PABIR3: variants seen among roughly 807,000 people sequenced by gnomAD.
PABIR3 encodes the protein PABIR family member 1.
Under a neutral mutation model 23.1 loss-of-function variants are expected in PABIR3, and 20 were observed. That is an observed-to-expected ratio of 0.86 (90% CI 0.61 to 1.26). PABIR3 has a LOEUF of 1.26. PABIR3 is among the 50% of genes most tolerant of loss of function. The pLI is 0.00. For missense variants in PABIR3, 189 were observed against 195.4 expected (o/e 0.97, Z 0.20); for synonymous variants, 69 against 68.5 (o/e 1.01, Z -0.04).
the PABIR3 span, among the ~76,000 whole-genome samples, chrX:134,862,142 G>GTTTTTTTTTTTT: frequency 4.2e-5 from 2 of 47,909 alleles, no homozygotes; most frequent in African/African-American, 9.4e-5. Flanking sequence ...TTTATTGGCT[G>GTTTTTTTTTTTT]TTTTTTTTTT....
At chrX:134,863,499 T>C in the PABIR3 span, among the ~76,000 whole-genome samples, 8 of 111,463 alleles carry the variant, frequency 7.2e-5, no homozygotes, top group Non-Finnish European at 1.5e-4. Context: ...ACAAGGAATT[T>C]GAAGAATCTC....
intron 4 of PABIR3, among the ~76,000 whole-genome samples, chrX:134,843,918 CTTTTTTTTT>C (rs1196514400): frequency 4.5e-5 from 3 of 66,029 alleles, no homozygotes; most frequent in East Asian, 8.8e-4. Context: ...TATGCATGTT[CTTTTTTTTT>C]TTTTTTTTTT....
At chrX:134,805,158 C>G (rs2080175450), upstream of PABIR3, among the ~76,000 whole-genome samples, 1 of 111,370 alleles carries the variant, frequency 9.0e-6, no homozygotes, top group Non-Finnish European at 1.9e-5. Flanking sequence ...AACAGAAGGG[C>G]AGAGGAATCT....
chrX:134,843,660 C>T (rs1330925138), intron 4 of PABIR3, among the ~76,000 whole-genome samples: 8 of 103,950 alleles, frequency 7.7e-5, no homozygotes, highest in Non-Finnish European at 1.4e-4. Context: ...CTCCGCCTCC[C>T]GGGTTCACGC....
chrX:134,806,198 A>G (rs1162379635), upstream of PABIR3, among the ~76,000 whole-genome samples: 1 of 112,570 alleles, frequency 8.9e-6, no homozygotes, highest in Admixed American at 9.4e-5. Flanking sequence ...TTGCATTGAT[A>G]CTAAATTCTG....
intron 3 of PABIR3, among the ~76,000 whole-genome samples, chrX:134,819,610 C>G (rs941072846): frequency 9.0e-6 from 1 of 111,427 alleles, no homozygotes; most frequent in African/African-American, 3.3e-5. Context: ...ACAGCCTGGG[C>G]GAGGTGACTC....
chrX:134,851,416 A>G (rs890399740), intron 9 of PABIR3, among the ~76,000 whole-genome samples: 8 of 109,684 alleles, frequency 7.3e-5, no homozygotes, highest in African/African-American at 1.0e-4. Flanking sequence ...TGTGCCTGTA[A>G]TCCCAGCTAC....
chrX:134,857,389 C>G (rs899603131), downstream of PABIR3, among the ~76,000 whole-genome samples: 3 of 111,036 alleles, frequency 2.7e-5, no homozygotes, highest in African/African-American at 9.8e-5. Flanking sequence ...ATAAAGATAA[C>G]CAGTCATTGG....
rs1425662203 is a variant in PABIR3, at chrX:134,814,699, G to A, written c.111-72G>A. Reference sequence around the variant, plus strand: ...GGGCAACAGAACAGAGCGAGACTCCGTCTCAAAAAAAAAAAAAAAAAGAAT... The same window carrying A: ...GGGCAACAGAACAGAGCGAGACTCCATCTCAAAAAAAAAAAAAAAAAGAAT... On this transcript the variant is annotated intron_variant, in intron 2 of 10. Coordinates refer to ENST00000645433, the MANE Select transcript of PABIR3 (RefSeq NM_001388447.1). 1.7e-3 allele frequency: 1,271 copies of A among 754,680 alleles called. 2 individuals carry two copies. Among genetic ancestry groups the A allele is most frequent in the Non-Finnish European group, 2.2e-3 (1,185 of 545,597 alleles). The allele number at this position is 754,680 out of a possible 1,213,427, so 62.2% of individuals were successfully genotyped here.
intron 3 of PABIR3, among the ~76,000 whole-genome samples, chrX:134,817,360 G>C (rs1037458150): frequency 9.2e-6 from 1 of 108,229 alleles, no homozygotes; most frequent in South Asian, 4.1e-4. Flanking sequence ...TCCATTCAAC[G>C]ATATTTGTTG....
chrX:134,852,866 A>C lies in PABIR3; in HGVS notation c.656A>C (p.Asp219Ala), dbSNP rs1311268820. 8.8e-7 allele frequency: 1 copy of C among 1,137,143 alleles called. No homozygotes were observed. The highest frequency in any genetic ancestry group is 2.1e-5 in the South Asian group (1 of 48,410). The allele number at this position is 1,137,143 out of a possible 1,213,427, so 93.7% of individuals were successfully genotyped here. A position where few individuals can be genotyped will look rare whatever the true frequency, so the allele number is the denominator to read the frequency against. ...GGCACAACCAACATGCTTTCTTCTG[A>C]TACTTCCCAACTGTCAGAAAATAAT... Reference protein sequence around the residue: ...FQGTTNMLSSDTSQLSENNVY... With the variant: ...FQGTTNMLSSATSQLSENNVY... Residue 219 changes from aspartate to alanine, a missense_variant, in exon 10 of 11, where the codon GAT (aspartate) becomes GCT (alanine). Asp to Ala is a moderately radical substitution (Grantham distance 126). Coordinates refer to ENST00000645433, the MANE Select transcript of PABIR3 (RefSeq NM_001388447.1).
intron 4 of PABIR3, 52 bp downstream of exon 4, chrX:134,829,334 T>G: frequency 9.6e-7 from 1 of 1,036,390 alleles, no homozygotes; most frequent in Non-Finnish European, 1.3e-6. Flanking sequence ...GTAAATTTTA[T>G]TTTTCTTTGT....
chrX:134,819,340 A>T (rs2081156866), intron 3 of PABIR3, among the ~76,000 whole-genome samples: 1 of 111,817 alleles, frequency 8.9e-6, no homozygotes, highest in Non-Finnish European at 1.9e-5. Flanking sequence ...ACCATCTTAT[A>T]TAACAGATTG....
chrX:134,832,541 A>G (rs749040614), intron 4 of PABIR3, among the ~76,000 whole-genome samples: 58 of 105,002 alleles, frequency 5.5e-4, no homozygotes, highest in Admixed American at 8.3e-4. Context: ...AGCTAGGTTT[A>G]TAGGCCCACG....
intron 4 of PABIR3, among the ~76,000 whole-genome samples, chrX:134,832,678 C>T (rs1397134068): frequency 3.6e-5 from 4 of 111,186 alleles, no homozygotes; most frequent in East Asian, 2.8e-4. Context: ...TCTGGGATTA[C>T]AGGCGTGAGC....
downstream of PABIR3, among the ~76,000 whole-genome samples, chrX:134,858,017 C>CT (rs1279990871): frequency 9.0e-6 from 1 of 111,217 alleles, no homozygotes; most frequent in Admixed American, 9.7e-5. Flanking sequence ...ACAAGATAGT[C>CT]TATCATAACA....
At chrX:134,842,766 C>T (rs1486369923) in intron 4 of PABIR3, among the ~76,000 whole-genome samples, 6 of 108,810 alleles carry the variant, frequency 5.5e-5, no homozygotes, top group South Asian at 4.0e-4. Context: ...GGTGTGGTGG[C>T]GGGTGCCTGT....
intron 1 of PABIR3, among the ~76,000 whole-genome samples, chrX:134,801,846 T>G (rs1255649501): frequency 2.7e-5 from 3 of 109,663 alleles, no homozygotes; most frequent in African/African-American, 1.0e-4. Flanking sequence ...CAAAAGAAAA[T>G]TCGACTTTTT....
chrX:134,799,371 G>A (rs2080000121), intron 1 of PABIR3, among the ~76,000 whole-genome samples: 1 of 112,431 alleles, frequency 8.9e-6, no homozygotes, highest in African/African-American at 3.2e-5. Flanking sequence ...ATATTATTCT[G>A]TGAAGCTTTA....
Sources: gnomAD v4.1 joint callset for allele counts (sites outside exome capture counted in the v4.1 genomes callset) on GRCh38, gnomAD v4.1.1 for gene constraint, MANE v1.5 for transcripts, NCBI Gene and HGNC (gene_info 2026-07-23, HGNC 2026-07-21) for gene names.